Variants in BMP5 observed in about 807,000 individuals in gnomAD.
The protein encoded by BMP5 is bone morphogenetic protein 5.
In BMP5, 23 loss-of-function variants were observed where a neutral mutation model predicts 46.6. That is an observed-to-expected ratio of 0.49 (90% CI 0.35 to 0.70). The LOEUF (loss-of-function observed/expected upper bound fraction) is 0.70, where lower values mean the gene tolerates loss of function less well. Among genes scored for constraint, BMP5 ranks in the 30% least tolerant of loss-of-function variants. BMP5 has a pLI of 0.00. For synonymous variants in BMP5, 204 were observed against 191.9 expected (o/e 1.06, Z -0.52); for missense variants, 545 against 565.6 (o/e 0.96, Z 0.37).
Position 55,809,065 on chromosome 6 carries a change from G to A in BMP5, c.683+10590C>T, listed in dbSNP as rs188228127. Among the ~76,000 whole-genome samples, 6 of 152,220 alleles carry A rather than the reference G, an allele frequency of 3.9e-5. No individual in the cohort carries two copies. The East Asian group carries it at 9.6e-4, about 24-fold the overall frequency. The stretch of plus-strand genomic sequence containing the variant: ...CTTAATATTAGAAAAAAATCATTAT[G>A]TTCTTTAAAGTCACCTTTCTAAAGT... On this transcript the variant is annotated intron_variant, in intron 2 of 6. Transcript: ENST00000370830.
intron 1 of BMP5, among the ~76,000 whole-genome samples, chr6:55,855,956 G>T (rs1356116098): frequency 6.6e-6 from 1 of 152,052 alleles, no homozygotes; most frequent in Non-Finnish European, 1.5e-5. Context: ...TAGCTCTATG[G>T]CTTTTGACAA....
chr6:55,823,884 A>G (rs905446493), intron 1 of BMP5, among the ~76,000 whole-genome samples: 12 of 152,004 alleles, frequency 7.9e-5, no homozygotes, highest in African/African-American at 2.9e-4. Flanking sequence ...TCTAAGGAAT[A>G]TTTTATGAAT....
chr6:55,792,777 C>G (rs946809962), intron 3 of BMP5, among the ~76,000 whole-genome samples: 6 of 152,124 alleles, frequency 3.9e-5, no homozygotes, highest in Admixed American at 2.6e-4. Context: ...ACAGCTTTTA[C>G]TTACCTCTGT....
chr6:55,759,813 T>C (rs1395143378), intron 5 of BMP5, among the ~76,000 whole-genome samples: 2 of 151,928 alleles, frequency 1.3e-5, no homozygotes, highest in African/African-American at 4.8e-5. Context: ...AATTATTGAG[T>C]TATTCATGTG....
chr6:55,855,786 T>A (rs1278446500), intron 1 of BMP5, among the ~76,000 whole-genome samples: 1 of 152,214 alleles, frequency 6.6e-6, no homozygotes, highest in East Asian at 1.9e-4. Flanking sequence ...TTTTGATAAA[T>A]TTTTAAGTAT....
intron 1 of BMP5, among the ~76,000 whole-genome samples, chr6:55,868,185 A>C (rs1777695325): frequency 6.6e-6 from 1 of 152,204 alleles, no homozygotes; most frequent in Admixed American, 6.5e-5. Context: ...TCCTGAATAA[A>C]ATCTAAATAG....
At chr6:55,773,900 A>G in intron 4 of BMP5, 149 bp downstream of exon 4, 1 of 882,246 alleles carries the variant, frequency 1.1e-6, no homozygotes, top group South Asian at 1.4e-5. Context: ...TTCACTGATG[A>G]AACATTCTGG....
chr6:55,868,369 A>G (rs1004008434), intron 1 of BMP5, among the ~76,000 whole-genome samples: 6 of 152,194 alleles, frequency 3.9e-5, no homozygotes, highest in Admixed American at 3.3e-4. Context: ...ATAAAACAGC[A>G]CAACCTCCAG....
chr6:55,756,596 C>T (rs1056293125), intron 6 of BMP5, among the ~76,000 whole-genome samples: 3 of 151,868 alleles, frequency 2.0e-5, no homozygotes, highest in South Asian at 2.1e-4. Context: ...ATGAGTCTTA[C>T]GGGATCCACA....
chr6:55,785,807 G>T (rs951194683), intron 3 of BMP5, among the ~76,000 whole-genome samples: 1 of 151,400 alleles, frequency 6.6e-6, no homozygotes. Context: ...ATGTTTTGAT[G>T]TTTTTGAAAT....
At chr6:55,817,322 T>C (rs1776297479) in intron 2 of BMP5, among the ~76,000 whole-genome samples, 1 of 152,208 alleles carries the variant, frequency 6.6e-6, no homozygotes, top group South Asian at 2.1e-4. Flanking sequence ...GCAGCACTAT[T>C]CACAATAGCA....
intron 1 of BMP5, among the ~76,000 whole-genome samples, chr6:55,854,931 A>G (rs1450463036): frequency 6.6e-6 from 1 of 152,130 alleles, no homozygotes; most frequent in East Asian, 1.9e-4. Context: ...TGTTATGCTA[A>G]TTTATTAAAA....
intron 2 of BMP5, among the ~76,000 whole-genome samples, chr6:55,811,123 G>GA (rs1776125418): frequency 4.6e-5 from 7 of 152,122 alleles, no homozygotes; most frequent in Admixed American, 3.9e-4. Context: ...CAAGAGCCCA[G>GA]GAAATCTTCC....
chr6:55,849,086 T>A (rs935660308), intron 1 of BMP5, among the ~76,000 whole-genome samples: 2 of 152,004 alleles, frequency 1.3e-5, no homozygotes, highest in Non-Finnish European at 2.9e-5. Flanking sequence ...CTCATTGCAT[T>A]TTTTTCTTCT....
intron 2 of BMP5, among the ~76,000 whole-genome samples, chr6:55,813,389 T>C (rs958233062): frequency 6.6e-6 from 1 of 151,918 alleles, no homozygotes; most frequent in African/African-American, 2.4e-5. Flanking sequence ...CTGTTTTATA[T>C]ATAAATTTAT....
intron 2 of BMP5, among the ~76,000 whole-genome samples, chr6:55,802,498 G>A (rs532493473): frequency 5.9e-5 from 9 of 151,850 alleles, no homozygotes; most frequent in Admixed American, 2.0e-4. Context: ...AGGCATTATC[G>A]CTAATGGCCC....
Position 55,874,773 on chromosome 6 carries a change from G to A in BMP5, c.93C>T (p.Asp31=), listed in dbSNP as rs148504114. The A allele has an allele frequency of 2.2e-5, 35 of 1,613,378 alleles. No individual in the cohort carries two copies. In the African/African-American group the frequency reaches 4.1e-4, roughly 19 times the overall value. The part of the protein sequence containing the change: ...LVGYAKGGLG[D]NHVHSSFIYR... ...AAATAAAACTGGAGTGAACATGATTGTCTCCCAAACCTCCTTTTGCATAAC... is the reference window on the plus strand; with the variant it reads ...AAATAAAACTGGAGTGAACATGATTATCTCCCAAACCTCCTTTTGCATAAC... The change falls in exon 1 of 7, where the codon GAC becomes GAT. Residue 31 remains aspartate (D), a synonymous_variant. Transcript: ENST00000370830.
At chr6:55,815,176 C>T (rs1296159120) in intron 2 of BMP5, among the ~76,000 whole-genome samples, 4 of 149,712 alleles carry the variant, frequency 2.7e-5, no homozygotes, top group South Asian at 2.1e-4. Context: ...AAGTATGAGT[C>T]TCTGTGAATA....
intron 1 of BMP5, among the ~76,000 whole-genome samples, chr6:55,841,088 T>A (rs776603146): frequency 8.5e-5 from 13 of 152,168 alleles, no homozygotes; most frequent in Non-Finnish European, 1.5e-4. Context: ...GGGATCTTCA[T>A]TGCATGTTCC....
Sources: allele counts gnomAD v4.1 joint callset (sites outside exome capture counted in the v4.1 genomes callset), GRCh38; gene constraint gnomAD v4.1.1; transcripts MANE v1.5; gene names NCBI Gene and HGNC (gene_info 2026-07-23, HGNC 2026-07-21).